Variants in STK32B observed in about 807,000 individuals in gnomAD.
The protein encoded by STK32B is serine/threonine-protein kinase 32B.
STK32B carries 43 observed loss-of-function variants against 52.6 expected under a neutral mutation model. The ratio of observed to expected loss-of-function variants is 0.82; its 90% confidence interval spans 0.64 to 1.05. The LOEUF (loss-of-function observed/expected upper bound fraction) is 1.05. Ranked by LOEUF, STK32B falls within the 50% of genes least tolerant of loss-of-function variation. The pLI is 0.00. For synonymous variants in STK32B, 238 were observed against 204.3 expected, an observed-to-expected ratio of 1.17 and a Z score of -1.41; for missense variants, 621 against 534.6, an observed-to-expected ratio of 1.16 and a Z score of -1.59.
rs1177788922 is a variant in STK32B at position 5,467,148 on chromosome 4, G to A, written c.1041+314G>A. ...ACCGCAGAGGCCCCCAGGGCTGCACGATGACTTTTGTGGGTCCTGGGCACT... is the reference window on the plus strand; with the variant it reads ...ACCGCAGAGGCCCCCAGGGCTGCACAATGACTTTTGTGGGTCCTGGGCACT... On this transcript the variant is annotated intron_variant, in intron 10 of 11. Transcript: ENST00000282908. This position sits in a 1 kb window ranked among gnomAD's most constrained non-coding sequence, Gnocchi z 5.8. 6.6e-6 allele frequency among the ~76,000 whole-genome samples: 1 copy of A among 152,152 alleles called. No individual in the cohort carries two copies. The highest frequency in any genetic ancestry group is 1.5e-5 in the Non-Finnish European group (1 of 68,032).
chr4:5,060,154 C>CA (rs1480877017), intron 1 of STK32B, among the ~76,000 whole-genome samples: 2 of 152,188 alleles, frequency 1.3e-5, no homozygotes, highest in African/African-American at 4.8e-5. Flanking sequence ...GTAGTGGAGA[C>CA]AGAGTTTTTC....
intron 3 of STK32B, among the ~76,000 whole-genome samples, chr4:5,305,965 G>C (rs374451784): frequency 6.6e-6 from 1 of 152,068 alleles, no homozygotes; most frequent in African/African-American, 2.4e-5. Flanking sequence ...TGTTGATCCA[G>C]TGATCATTCA....
intron 3 of STK32B, among the ~76,000 whole-genome samples, chr4:5,203,313 T>C (rs1365870536): frequency 6.6e-6 from 1 of 152,214 alleles, no homozygotes; most frequent in Non-Finnish European, 1.5e-5. Flanking sequence ...CTGACGTTCA[T>C]TCATTCATCT....
chr4:5,190,697 A>G (rs1260130685), intron 3 of STK32B, among the ~76,000 whole-genome samples: 2 of 152,190 alleles, frequency 1.3e-5, no homozygotes, highest in East Asian at 1.9e-4. Context: ...GGTGTGAATA[A>G]GGATGCTCAC....
At chr4:5,355,072 T>C (rs1410468057) in intron 4 of STK32B, among the ~76,000 whole-genome samples, 1 of 152,188 alleles carries the variant, frequency 6.6e-6, no homozygotes, top group East Asian at 1.9e-4. Context: ...CATGCTGTTC[T>C]TCTGACCTCC....
intron 3 of STK32B, among the ~76,000 whole-genome samples, chr4:5,172,478 G>A (rs1411314985): frequency 4.0e-5 from 6 of 151,750 alleles, no homozygotes; most frequent in African/African-American, 7.3e-5. Context: ...TTTGAGATAT[G>A]TCCCATCAAT....
At chr4:5,480,821 T>G (rs1054905594) in intron 11 of STK32B, among the ~76,000 whole-genome samples, 1 of 151,978 alleles carries the variant, frequency 6.6e-6, no homozygotes, top group African/African-American at 2.4e-5. Context: ...CTATCAGTGA[T>G]AACATGCGGT....
intron 5 of STK32B, among the ~76,000 whole-genome samples, chr4:5,410,896 G>T (rs528470911): frequency 4.4e-4 from 67 of 152,298 alleles, no homozygotes; most frequent in Non-Finnish European, 9.1e-4. Flanking sequence ...TCAGTGTCTG[G>T]TGAGGGCTGC....
chr4:5,486,132 A>C (rs1719179964), intron 11 of STK32B, among the ~76,000 whole-genome samples: 1 of 152,164 alleles, frequency 6.6e-6, no homozygotes, highest in African/African-American at 2.4e-5. Context: ...AGGAACATTT[A>C]AGTCTGCAGA....
At chr4:5,325,568 C>T (rs1333993576) in intron 3 of STK32B, among the ~76,000 whole-genome samples, 1 of 152,120 alleles carries the variant, frequency 6.6e-6, no homozygotes, top group Non-Finnish European at 1.5e-5. Context: ...TTTCACAAGT[C>T]ACCTGAATCC....
chr4:5,242,761 G>A (rs1452997165), intron 3 of STK32B, among the ~76,000 whole-genome samples: 65 of 152,304 alleles, frequency 4.3e-4, no homozygotes, highest in Admixed American at 9.8e-4. Flanking sequence ...TGTATAAGGT[G>A]TAAGGAAGGG....
chr4:5,320,443 T>A (rs73091662), intron 3 of STK32B, among the ~76,000 whole-genome samples: 104 of 152,370 alleles, frequency 6.8e-4, no homozygotes, highest in African/African-American at 2.3e-3. Context: ...CAATTTCACA[T>A]GGCTTAACCC....
At chr4:5,134,725 C>T (rs1448029783) in intron 1 of STK32B, among the ~76,000 whole-genome samples, 2 of 152,218 alleles carry the variant, frequency 1.3e-5, no homozygotes, top group Non-Finnish European at 2.9e-5. Context: ...CCAGCACCAA[C>T]TCTGCAAGGA....
the STK32B span, among the ~76,000 whole-genome samples, chr4:5,023,147 T>A: frequency 7.9e-5 from 12 of 152,154 alleles, no homozygotes; most frequent in Non-Finnish European, 1.5e-4. Flanking sequence ...GCCTCTAGAA[T>A]GCAAAGAAAG....
intron 4 of STK32B, among the ~76,000 whole-genome samples, chr4:5,364,940 A>G (rs1290828674): frequency 2.0e-5 from 3 of 152,238 alleles, no homozygotes; most frequent in African/African-American, 4.8e-5. Flanking sequence ...CAATGGTGCA[A>G]TCTCGGCCCA....
At chr4:5,242,016 G>T (rs930306182) in intron 3 of STK32B, among the ~76,000 whole-genome samples, 1 of 152,034 alleles carries the variant, frequency 6.6e-6, no homozygotes, top group African/African-American at 2.4e-5. Flanking sequence ...TTGCTATTGT[G>T]AACAGTGCCA....
chr4:5,235,425 C>T (rs10000042), intron 3 of STK32B, among the ~76,000 whole-genome samples: 12,559 of 152,126 alleles, frequency 0.083, 763 homozygotes, highest in East Asian at 0.21. Context: ...ATGACAATGG[C>T]GTGCCACTCC....
intron 3 of STK32B, among the ~76,000 whole-genome samples, chr4:5,272,668 G>A (rs1350612053): frequency 1.3e-5 from 2 of 151,936 alleles, no homozygotes; most frequent in Non-Finnish European, 2.9e-5. Context: ...ACAGAACAGA[G>A]CCCTCAGAAA....
At chr4:5,445,397 G>A (rs1024671048) in intron 6 of STK32B, among the ~76,000 whole-genome samples, 1 of 152,166 alleles carries the variant, frequency 6.6e-6, no homozygotes. Context: ...TCTGACAACT[G>A]TAAAATGGAC....
Sources: gnomAD v4.1 joint callset for allele counts (sites outside exome capture counted in the v4.1 genomes callset) on GRCh38, gnomAD v4.1.1 for gene constraint, Gnocchi (gnomAD v3.1) non-coding constraint, MANE v1.5 for transcripts, NCBI Gene and HGNC (gene_info 2026-07-23, HGNC 2026-07-21) for gene names.